The following NR3C2 variants were observed in gnomAD, a reference collection of about 807,000 sequenced individuals.
The protein encoded by NR3C2 is mineralocorticoid receptor.
A neutral mutation model predicts 86.4 loss-of-function variants in NR3C2; 15 were observed. The observed-to-expected ratio is 0.17, with a 90% CI of 0.12 to 0.27. The LOEUF (loss-of-function observed/expected upper bound fraction) is 0.27. Ranked by LOEUF, NR3C2 falls within the 10% of genes least tolerant of loss-of-function variation. NR3C2 has a pLI of 1.00. For synonymous variants in NR3C2, 458 were observed against 450.5 expected (o/e 1.02, Z -0.21); for missense variants, 960 against 1,195.6 (o/e 0.80, Z 2.91).
chr4:148,397,347 T>C (rs2126516579), intron 2 of NR3C2, among the ~76,000 whole-genome samples: 1 of 152,334 alleles, frequency 6.6e-6, no homozygotes, highest in East Asian at 1.9e-4. Flanking sequence ...TCAGGCAGCC[T>C]TGTGCAGTGA....
chr4:148,275,761 T>C (rs1415778575), intron 2 of NR3C2, among the ~76,000 whole-genome samples: 1 of 152,132 alleles, frequency 6.6e-6, no homozygotes, highest in Non-Finnish European at 1.5e-5. Context: ...ATAGAAAATA[T>C]GAACCATAAT....
At chr4:148,380,495 A>G (rs1386387896) in intron 2 of NR3C2, among the ~76,000 whole-genome samples, 1 of 152,182 alleles carries the variant, frequency 6.6e-6, no homozygotes, top group East Asian at 1.9e-4. Context: ...TGGGAATTCT[A>G]TATTTAAACT....
chr4:148,132,237 T>A (rs943781698), intron 6 of NR3C2, among the ~76,000 whole-genome samples: 1 of 152,106 alleles, frequency 6.6e-6, no homozygotes, highest in African/African-American at 2.4e-5. Flanking sequence ...TGACCAAAGG[T>A]TTAATCTTAG....
intron 2 of NR3C2, among the ~76,000 whole-genome samples, chr4:148,432,738 TA>T (rs1362249603): frequency 6.6e-6 from 1 of 152,166 alleles, no homozygotes; most frequent in Non-Finnish European, 1.5e-5. Flanking sequence ...TTGTTCAAAA[TA>T]AGAGACTAAG....
At chr4:148,105,480 T>C (rs1731752601) in intron 8 of NR3C2, among the ~76,000 whole-genome samples, 2 of 152,212 alleles carry the variant, frequency 1.3e-5, no homozygotes. Flanking sequence ...CTTCTGAAAC[T>C]ATTTCAAACA....
At chr4:148,238,501 T>TATCA (rs1319097259) in intron 3 of NR3C2, among the ~76,000 whole-genome samples, 21 of 152,298 alleles carry the variant, frequency 1.4e-4, no homozygotes, top group Admixed American at 1.3e-4. Flanking sequence ...ATCAAAAGAC[T>TATCA]ATCATTAAAT....
At chr4:148,316,286 G>A (rs1228747676) in intron 2 of NR3C2, among the ~76,000 whole-genome samples, 5 of 151,822 alleles carry the variant, frequency 3.3e-5, no homozygotes, top group Non-Finnish European at 5.9e-5. Context: ...GAATAATTTT[G>A]GTTTGTTTAT....
chr4:148,233,053 T>C (rs1029544506), intron 3 of NR3C2, among the ~76,000 whole-genome samples: 1 of 152,228 alleles, frequency 6.6e-6, no homozygotes, highest in Admixed American at 6.5e-5. Context: ...TTTCTCCATA[T>C]CAGCATTAAG....
intron 2 of NR3C2, among the ~76,000 whole-genome samples, chr4:148,277,338 C>A (rs1741008871): frequency 6.6e-6 from 1 of 152,102 alleles, no homozygotes; most frequent in African/African-American, 2.4e-5. Context: ...AATAATGCAC[C>A]TTCGAATCCT....
chr4:148,177,033 G>A (rs562578808), intron 4 of NR3C2, among the ~76,000 whole-genome samples: 1 of 152,242 alleles, frequency 6.6e-6, no homozygotes, highest in South Asian at 2.1e-4. Flanking sequence ...TCAAAATAAT[G>A]AAGCAGCACA....
chr4:148,282,340 T>C (rs1741290675), intron 2 of NR3C2, among the ~76,000 whole-genome samples: 1 of 152,210 alleles, frequency 6.6e-6, no homozygotes, highest in East Asian at 1.9e-4. Flanking sequence ...ATAATTTTTC[T>C]GAGTATCTCT....
At chr4:148,375,055 AAAGAC>A (rs1746604011) in intron 2 of NR3C2, among the ~76,000 whole-genome samples, 1 of 152,232 alleles carries the variant, frequency 6.6e-6, no homozygotes, top group Non-Finnish European at 1.5e-5. Flanking sequence ...TGCATTGGGT[AAAGAC>A]AATAAATAAA....
intron 4 of NR3C2, among the ~76,000 whole-genome samples, chr4:148,157,009 C>G (rs1054506362): frequency 4.6e-5 from 7 of 151,766 alleles, no homozygotes; most frequent in African/African-American, 7.3e-5. Flanking sequence ...TTTACAGGGA[C>G]ATGGATGAAA....
At chr4:148,271,258 C>T (rs1474940730) in intron 2 of NR3C2, among the ~76,000 whole-genome samples, 2 of 152,138 alleles carry the variant, frequency 1.3e-5, no homozygotes, top group African/African-American at 2.4e-5. Flanking sequence ...ACTGTTTCCA[C>T]TTTTCAAGGG....
At chr4:148,268,001 G>A (rs533398325) in intron 2 of NR3C2, among the ~76,000 whole-genome samples, 6 of 145,966 alleles carry the variant, frequency 4.1e-5, no homozygotes, top group Non-Finnish European at 7.4e-5. Context: ...GTTCAGTGGC[G>A]TGATCTCAGC....
At chr4:148,381,478 G>C (rs1746985176) in intron 2 of NR3C2, among the ~76,000 whole-genome samples, 1 of 151,994 alleles carries the variant, frequency 6.6e-6, no homozygotes, top group Non-Finnish European at 1.5e-5. Context: ...ACATTAACTT[G>C]AATTATATTC....
At chr4:148,374,414 C>A (rs1203407042) in intron 2 of NR3C2, among the ~76,000 whole-genome samples, 2 of 152,092 alleles carry the variant, frequency 1.3e-5, no homozygotes, top group South Asian at 4.1e-4. Context: ...GATGAGGAAA[C>A]CGGGCCCAGA....
chr4:148,210,348 G>A (rs890828508), intron 3 of NR3C2, among the ~76,000 whole-genome samples: 7 of 151,978 alleles, frequency 4.6e-5, no homozygotes, highest in Non-Finnish European at 7.4e-5. Flanking sequence ...ATGCCACCAC[G>A]CTGGGCTAAT....
intron 2 of NR3C2, among the ~76,000 whole-genome samples, chr4:148,263,946 T>C (rs1740252535): frequency 1.3e-5 from 2 of 152,198 alleles, no homozygotes; most frequent in Admixed American, 1.3e-4. Context: ...AAAAATTTTA[T>C]TGTATGCATC....
Sources: gnomAD v4.1 joint callset for allele counts (sites outside exome capture counted in the v4.1 genomes callset) on GRCh38, gnomAD v4.1.1 for gene constraint, MANE v1.5 for transcripts, NCBI Gene and HGNC (gene_info 2026-07-23, HGNC 2026-07-21) for gene names.